KCNH5: variants seen among roughly 807,000 people sequenced by gnomAD.
The protein encoded by KCNH5 is potassium voltage-gated channel subfamily H member 5.
Under a neutral mutation model 96.1 loss-of-function variants are expected in KCNH5, and 46 were observed. That is an observed-to-expected ratio of 0.48 (90% confidence interval 0.38 to 0.61). KCNH5 has a LOEUF of 0.61. KCNH5 is among the 20% of genes least tolerant of loss of function. The probability of loss-of-function intolerance (pLI) is 0.00; values close to 1 mark genes in which losing one functional copy is unlikely to be tolerated. For missense variants in KCNH5, 907 were observed against 1,225.8 expected (o/e 0.74, Z 3.88); for synonymous variants, 439 against 449.8 (o/e 0.98, Z 0.30).
At chr14:62,855,681 A>T (rs1887913378) in intron 7 of KCNH5, among the ~76,000 whole-genome samples, 1 of 152,210 alleles carries the variant, frequency 6.6e-6, no homozygotes, top group Non-Finnish European at 1.5e-5. Context: ...GAATACTCTG[A>T]AGAACAATTT....
intron 1 of KCNH5, among the ~76,000 whole-genome samples, chr14:63,030,711 G>A (rs76338664): frequency 0.011 from 1,745 of 152,256 alleles, 25 homozygotes; most frequent in African/African-American, 0.03. Flanking sequence ...TGCAGCCAGG[G>A]TGGAGAAGCA....
intron 10 of KCNH5, among the ~76,000 whole-genome samples, chr14:62,736,115 C>G (rs571184738): frequency 1.3e-4 from 20 of 152,290 alleles, no homozygotes; most frequent in Admixed American, 1.2e-3. Context: ...CCCTAGCTAA[C>G]TCATGCAATT....
chr14:63,010,456 T>C lies in KCNH5; in HGVS notation c.198-3984A>G, dbSNP rs202209585. Among the ~76,000 whole-genome samples the C allele has an allele frequency of 1.1e-4, 16 of 152,272 alleles. No individual in the cohort carries two copies. The East Asian group carries it at 3.1e-3, about 29-fold the overall frequency. ...TTCCAAAAGGCAGTGTGTCACTGTG[T>C]CTTAAAGGGAGATGTGCATGGTTCT... On this transcript the variant is annotated intron_variant, in intron 2 of 10. Transcript: ENST00000322893.
chr14:62,990,594 C>T (rs1890791459), intron 4 of KCNH5, among the ~76,000 whole-genome samples: 1 of 152,036 alleles, frequency 6.6e-6, no homozygotes, highest in South Asian at 2.1e-4. Context: ...ATTAACCCAT[C>T]ATTCTAAAAA....
At chr14:62,872,057 T>G (rs535916925) in intron 7 of KCNH5, among the ~76,000 whole-genome samples, 1 of 152,336 alleles carries the variant, frequency 6.6e-6, no homozygotes, top group East Asian at 1.9e-4. Flanking sequence ...TAATCAGCAG[T>G]TAAGCATATA....
chr14:62,732,322 T>C (rs1189149725), intron 10 of KCNH5, among the ~76,000 whole-genome samples: 2 of 151,896 alleles, frequency 1.3e-5, no homozygotes, highest in Non-Finnish European at 2.9e-5. Context: ...TTTTCTTCCT[T>C]CTGTTTAAAG....
intron 7 of KCNH5, among the ~76,000 whole-genome samples, chr14:62,879,599 C>G (rs923615441): frequency 6.6e-6 from 1 of 152,084 alleles, no homozygotes; most frequent in African/African-American, 2.4e-5. Context: ...TCCTGAAGGA[C>G]CTTCCCGAAT....
At position 62,978,790 on chromosome 14, in the gene KCNH5, T is replaced by C. The variant is rs568966027; in HGVS notation, c.942+2082A>G. Among the ~76,000 whole-genome samples, 3 of 152,286 alleles carry C rather than the reference T, an allele frequency of 2.0e-5. No individual in the cohort carries two copies. In the East Asian group the frequency reaches 5.8e-4, roughly 29 times the overall value. On this transcript the variant is annotated intron_variant, in intron 6 of 10. Transcript: ENST00000322893. Reference sequence around the variant, plus strand: ...AAGCCAATCTTTTGATTATTTTTAATTGACAGAAATAATTGCATGTATTTA... The same window carrying C: ...AAGCCAATCTTTTGATTATTTTTAACTGACAGAAATAATTGCATGTATTTA...
At chr14:62,819,504 TG>T (rs1226279185) in intron 8 of KCNH5, among the ~76,000 whole-genome samples, 9 of 152,084 alleles carry the variant, frequency 5.9e-5, no homozygotes, top group Non-Finnish European at 8.8e-5. Context: ...GGGAATTCTT[TG>T]GGGGATGATG....
chr14:63,034,154 G>A (rs776890025), intron 1 of KCNH5, among the ~76,000 whole-genome samples: 3 of 152,054 alleles, frequency 2.0e-5, no homozygotes, highest in Non-Finnish European at 4.4e-5. Flanking sequence ...TCCTGACCTC[G>A]TGATCCGCCT....
intron 6 of KCNH5, among the ~76,000 whole-genome samples, chr14:62,961,780 G>C (rs192018495): frequency 5.5e-4 from 83 of 152,218 alleles, no homozygotes; most frequent in African/African-American, 1.9e-3. Flanking sequence ...GGATGCTGAT[G>C]GAGATGGAGA....
chr14:62,931,327 G>A (rs114041938), intron 7 of KCNH5, among the ~76,000 whole-genome samples: 87 of 152,234 alleles, frequency 5.7e-4, no homozygotes, highest in African/African-American at 1.9e-3. Flanking sequence ...ACATAAATCC[G>A]GATGATAAAC....
At chr14:62,741,088 A>G (rs1408364837) in intron 10 of KCNH5, among the ~76,000 whole-genome samples, 1 of 152,164 alleles carries the variant, frequency 6.6e-6, no homozygotes. Context: ...CAGCATTACA[A>G]TTTCAAACTA....
chr14:62,800,935 G>T, intron 9 of KCNH5, among the ~76,000 whole-genome samples: 1 of 140,306 alleles, frequency 7.1e-6, no homozygotes, highest in East Asian at 2.0e-4. Flanking sequence ...TTTTCTTCTT[G>T]AAAAAAAAAA....
chr14:63,014,657 CA>C (rs1337707736), intron 2 of KCNH5, among the ~76,000 whole-genome samples: 1 of 151,900 alleles, frequency 6.6e-6, no homozygotes, highest in East Asian at 1.9e-4. Flanking sequence ...AGCAATAAAG[CA>C]ATAAGAATAA....
intron 8 of KCNH5, among the ~76,000 whole-genome samples, chr14:62,834,875 C>T (rs1887433885): frequency 1.3e-5 from 2 of 151,958 alleles, no homozygotes; most frequent in African/African-American, 4.8e-5. Flanking sequence ...TCCTTTCATG[C>T]TTCTATGGCA....
chr14:62,724,431 G>A (rs927068741), intron 10 of KCNH5, among the ~76,000 whole-genome samples: 1 of 152,080 alleles, frequency 6.6e-6, no homozygotes, highest in African/African-American at 2.4e-5. Flanking sequence ...AAAAGAAAAA[G>A]ATATATATAA....
chr14:62,888,440 T>G (rs1383723285), intron 7 of KCNH5, among the ~76,000 whole-genome samples: 1 of 152,202 alleles, frequency 6.6e-6, no homozygotes, highest in East Asian at 1.9e-4. Flanking sequence ...GAGTCTCAGA[T>G]AGATGATTTG....
intron 6 of KCNH5, among the ~76,000 whole-genome samples, chr14:62,975,323 T>C (rs891020950): frequency 8.5e-5 from 13 of 152,154 alleles, no homozygotes; most frequent in Non-Finnish European, 1.8e-4. Context: ...GAAAGAAATA[T>C]GTTCCAGAAA....
Sources: allele counts gnomAD v4.1 joint callset (sites outside exome capture counted in the v4.1 genomes callset), GRCh38; gene constraint gnomAD v4.1.1; transcripts MANE v1.5; gene names NCBI Gene and HGNC (gene_info 2026-07-23, HGNC 2026-07-21).